ARHGEF4: variants seen among roughly 807,000 people sequenced by gnomAD.
The protein encoded by ARHGEF4 is APC-stimulated guanine nucleotide exchange factor 1.
Under a neutral mutation model 162.0 loss-of-function variants are expected in ARHGEF4, and 119 were observed. The observed-to-expected ratio is 0.73, with a 90% CI of 0.63 to 0.86. The LOEUF is 0.86. Ranked by LOEUF, ARHGEF4 falls within the 40% of genes least tolerant of loss-of-function variation. The pLI, the probability that ARHGEF4 is intolerant of heterozygous loss-of-function variation, is 0.00. For missense variants in ARHGEF4, 2,488 were observed against 2,456.0 expected (o/e 1.01, Z -0.28); for synonymous variants, 1,014 against 979.9 (o/e 1.03, Z -0.65).
At chr2:130,841,128 G>A (rs932109448) in intron 1 of ARHGEF4, among the ~76,000 whole-genome samples, 1 of 152,058 alleles carries the variant, frequency 6.6e-6, no homozygotes, top group African/African-American at 2.4e-5. Flanking sequence ...GCAGTGGCGC[G>A]ATTTCAGCTC....
intron 5 of ARHGEF4, among the ~76,000 whole-genome samples, chr2:131,032,971 G>A (rs890500581): frequency 6.7e-6 from 1 of 149,142 alleles, no homozygotes; most frequent in Non-Finnish European, 1.5e-5. Flanking sequence ...TCCCACCTCA[G>A]TCTTTCTCGT....
chr2:130,988,870 GTGTATA>G (rs1354106175), intron 4 of ARHGEF4, among the ~76,000 whole-genome samples: 647 of 29,038 alleles, frequency 0.022, 6 homozygotes, highest in Middle Eastern at 0.033. Flanking sequence ...GTGTGTGTGT[GTGTATA>G]TATATATATA....
At chr2:130,951,420 C>G (rs901308516) in intron 4 of ARHGEF4, among the ~76,000 whole-genome samples, 3 of 152,114 alleles carry the variant, frequency 2.0e-5, no homozygotes, top group Non-Finnish European at 4.4e-5. Flanking sequence ...ATTAATTGGC[C>G]TAATTTCCAT....
At chr2:130,881,598 G>A (rs1679192428) in intron 1 of ARHGEF4, among the ~76,000 whole-genome samples, 1 of 151,720 alleles carries the variant, frequency 6.6e-6, no homozygotes, top group African/African-American at 2.4e-5. Flanking sequence ...ATCACTAAGA[G>A]ACTACAGCTG....
In ARHGEF4 at chr2:130,915,138, C is replaced by G; in HGVS notation, c.1192C>G (p.Pro398Ala). 1 of 1,550,664 alleles carries G rather than the reference C, an allele frequency of 6.4e-7. No individual in the cohort carries two copies. Among genetic ancestry groups the G allele is most frequent in the Non-Finnish European group, 8.7e-7 (1 of 1,147,018 alleles). Residue 398 changes from proline to alanine, a missense_variant, in exon 2 of 14, where the codon CCC becomes GCC. Pro to Ala is a conservative substitution (Grantham distance 27, BLOSUM62 -1). This residue lies in a region of ARHGEF4 where 1,642 missense variants were observed against 1,481.5 expected (regional missense o/e 1.11). Coordinates refer to ENST00000409359, the MANE Select transcript of ARHGEF4 (RefSeq NM_001367493.1). ...GATTCCTGCTTTTCAGAGTGGGGCT[C>G]CCCATCTGCAGGGTCCCTGCAAGCC... ...GPIPAFQSGA[P>A]HLQGPCKPGG...
intron 1 of ARHGEF4, among the ~76,000 whole-genome samples, chr2:130,871,950 ATC>A (rs1400527251): frequency 7.9e-5 from 12 of 152,228 alleles, no homozygotes; most frequent in Non-Finnish European, 1.6e-4. Context: ...CGTCATGATG[ATC>A]TTGGCACATG....
chr2:131,008,032 C>T (rs560756466), intron 4 of ARHGEF4, among the ~76,000 whole-genome samples: 102 of 151,934 alleles, frequency 6.7e-4, no homozygotes, highest in South Asian at 5.4e-3. Context: ...AGGCTAGTCT[C>T]GAACTCCTGA....
At chr2:130,962,819 AG>A (rs1290087139) in intron 4 of ARHGEF4, among the ~76,000 whole-genome samples, 1 of 130,266 alleles carries the variant, frequency 7.7e-6, no homozygotes, top group Non-Finnish European at 1.6e-5. Context: ...CGGGGCGGGG[AG>A]GGGGGCAGTA....
rs1248486531 is a variant in ARHGEF4, at chr2:130,988,891, TATATATATATAG to T, written c.3986-39052_3986-39041del. Reference sequence around the variant, plus strand: ...GTGTGTGTATATATATATATATATATATATATATATAGAGAGAGAGAGAGAGAGAGAGAGAGA... The same window carrying T: ...GTGTGTGTATATATATATATATATATAGAGAGAGAGAGAGAGAGAGAGAGA... On this transcript the variant is annotated intron_variant, in intron 4 of 13. Transcript: ENST00000409359. Among the ~76,000 whole-genome samples the T allele has an allele frequency of 6.3e-3, 737 of 116,166 alleles. 3 individuals carry two copies. Among genetic ancestry groups the T allele is most frequent in the African/African-American group, 0.014 (441 of 31,416 alleles). 76.2% of individuals were successfully genotyped at this position (116,166 alleles called of 152,430 possible). A position where few individuals can be genotyped will look rare whatever the true frequency, so the allele number is the denominator to read the frequency against.
chr2:130,885,468 T>C (rs946636794), intron 1 of ARHGEF4, among the ~76,000 whole-genome samples: 3 of 151,726 alleles, frequency 2.0e-5, no homozygotes, highest in African/African-American at 7.3e-5. Context: ...CTCATCGTAA[T>C]ACTGTTACAA....
intron 4 of ARHGEF4, among the ~76,000 whole-genome samples, chr2:131,009,139 A>G (rs1688300971): frequency 6.6e-6 from 1 of 152,212 alleles, no homozygotes; most frequent in South Asian, 2.1e-4. Context: ...GACAGCAGAC[A>G]TTGTGGTGGT....
intron 2 of ARHGEF4, 141 bp downstream of exon 2, chr2:130,917,639 C>G (rs58000809): frequency 4.4e-6 from 5 of 1,125,330 alleles, no homozygotes; most frequent in Non-Finnish European, 6.1e-6. Context: ...CAGCCGCCCC[C>G]CCTCCCCCAG....
At chr2:131,012,046 A>G (rs1688486771) in intron 4 of ARHGEF4, 1 of 645,264 alleles carries the variant, frequency 1.5e-6, no homozygotes, top group Non-Finnish European at 2.8e-6. Context: ...TATCCTTGCC[A>G]AGATTTTTGT....
At chr2:130,938,002 T>A (rs1683067520) in intron 3 of ARHGEF4, among the ~76,000 whole-genome samples, 1 of 152,200 alleles carries the variant, frequency 6.6e-6, no homozygotes, top group African/African-American at 2.4e-5. Context: ...ACTGGGCATC[T>A]TGAATATTAT....
chr2:130,919,601 C>CGTG (rs1158573774), intron 2 of ARHGEF4, among the ~76,000 whole-genome samples: 1 of 152,164 alleles, frequency 6.6e-6, no homozygotes, highest in Non-Finnish European at 1.5e-5. Flanking sequence ...ATAGGCCATG[C>CGTG]GTGGTGGTTC....
intron 6 of ARHGEF4, 144 bp from the exon 7 acceptor site, chr2:131,039,872 G>C (rs894021425): frequency 1.5e-5 from 22 of 1,428,638 alleles, no homozygotes; most frequent in African/African-American, 3.0e-5. Flanking sequence ...TGGCGTGGTG[G>C]GGGGAGCTGG....
chr2:131,028,011 A>T lies in ARHGEF4; in HGVS notation c.4052A>T (p.Tyr1351Phe). 1 of 1,614,074 alleles carries T rather than the reference A, an allele frequency of 6.2e-7. No homozygotes were observed. Among genetic ancestry groups the T allele is most frequent in the Non-Finnish European group, 8.5e-7 (1 of 1,179,994 alleles). ...ADEVGSEEDL[Y>F]DDLHSSSHHY... is the part of the protein sequence containing the mutation. ...GAAGTGGGGAGCGAGGAGGACCTGT[A>T]TGATGACCTGCACAGCTCCAGCCAC... Residue 1351 changes from tyrosine to phenylalanine, a missense_variant, in exon 5 of 14, where the codon TAT becomes TTT. Tyr to Phe is a conservative substitution (Grantham distance 22). This residue lies in a region of ARHGEF4 where 1,642 missense variants were observed against 1,481.5 expected (regional missense o/e 1.11). Transcript: ENST00000409359.
At chr2:130,964,622 C>T (rs992214949) in intron 4 of ARHGEF4, among the ~76,000 whole-genome samples, 1 of 152,232 alleles carries the variant, frequency 6.6e-6, no homozygotes, top group Non-Finnish European at 1.5e-5. Context: ...ACCTGTCTGG[C>T]TTTACCTACC....
chr2:130,853,061 A>G (rs182987064), intron 1 of ARHGEF4, among the ~76,000 whole-genome samples: 28 of 152,284 alleles, frequency 1.8e-4, no homozygotes, highest in African/African-American at 6.7e-4. Context: ...CACCAAGGCC[A>G]TGCATGTTTT....
Sources: gnomAD v4.1 joint callset for allele counts (sites outside exome capture counted in the v4.1 genomes callset) on GRCh38, gnomAD v4.1.1 for gene constraint, gnomAD v4.1.1 regional missense constraint, MANE v1.5 for transcripts, NCBI Gene and HGNC (gene_info 2026-07-23, HGNC 2026-07-21) for gene names.